Variants in CRADD observed in about 807,000 individuals in gnomAD.
CRADD encodes CARD and death domain containing adaptor protein.
A neutral mutation model predicts 15.5 loss-of-function variants in CRADD; 9 were observed. The ratio of observed to expected loss-of-function variants is 0.58; its 90% CI spans 0.35 to 1.01. The LOEUF is 1.01. Ranked by LOEUF, CRADD falls within the 50% of genes least tolerant of loss-of-function variation. The pLI, the probability that CRADD is intolerant of heterozygous loss-of-function variation, is 0.02. For missense variants in CRADD, 227 were observed against 250.3 expected (o/e 0.91, Z 0.63); for synonymous variants, 118 against 107.6 (o/e 1.10, Z -0.60).
At chr12:93,683,972 A>G (rs1955377746) in intron 2 of CRADD, among the ~76,000 whole-genome samples, 3 of 152,166 alleles carry the variant, frequency 2.0e-5, no homozygotes, top group Admixed American at 2.0e-4. Flanking sequence ...CCTGTGTGCT[A>G]GAGTGAGAAC....
At chr12:93,681,797 A>G (rs1218468019) in intron 2 of CRADD, among the ~76,000 whole-genome samples, 1 of 152,108 alleles carries the variant, frequency 6.6e-6, no homozygotes, top group Admixed American at 6.6e-5. Flanking sequence ...ATAGTTTCCT[A>G]TCTCCTAAAA....
intron 2 of CRADD, among the ~76,000 whole-genome samples, chr12:93,881,046 C>T (rs992692442): frequency 1.8e-4 from 28 of 152,318 alleles, no homozygotes; most frequent in Admixed American, 1.8e-3. Flanking sequence ...AGAAAGCCAA[C>T]TCCCAGTTCC....
intron 2 of CRADD, among the ~76,000 whole-genome samples, chr12:93,739,536 C>T (rs2136926623): frequency 1.3e-5 from 2 of 150,914 alleles, no homozygotes; most frequent in African/African-American, 4.8e-5. Context: ...AAAAATCTTT[C>T]TAGGAAAATA....
intron 2 of CRADD, among the ~76,000 whole-genome samples, chr12:93,719,839 G>A (rs967534706): frequency 2.0e-5 from 3 of 151,722 alleles, no homozygotes; most frequent in Non-Finnish European, 2.9e-5. Context: ...TTTTTTCTTA[G>A]CCTGTCTAGA....
At chr12:93,828,373 A>T (rs1258790544) in intron 2 of CRADD, among the ~76,000 whole-genome samples, 1 of 152,210 alleles carries the variant, frequency 6.6e-6, no homozygotes, top group Non-Finnish European at 1.5e-5. Context: ...TGCCATTTTA[A>T]AGAAGTCTTT....
At chr12:93,850,769 G>GT (rs796396965), downstream of CRADD, 50,409 of 756,528 alleles carry the variant, frequency 0.067, no homozygotes, top group Non-Finnish European at 0.074. The surrounding 1 kb of genome is among the most constrained non-coding windows in gnomAD (Gnocchi z 4.0). Context: ...ACCGTGTTGG[G>GT]TTTTTTTTTT....
intron 2 of CRADD, among the ~76,000 whole-genome samples, chr12:93,742,055 C>T (rs1956677447): frequency 6.6e-6 from 1 of 152,182 alleles, no homozygotes; most frequent in Non-Finnish European, 1.5e-5. Context: ...ATGTCAGCAA[C>T]CCAAAGGCGC....
intron 2 of CRADD, among the ~76,000 whole-genome samples, chr12:93,710,243 A>G (rs1386319240): frequency 6.6e-6 from 1 of 151,940 alleles, no homozygotes; most frequent in African/African-American, 2.4e-5. Context: ...GTTTTCCTCC[A>G]TAATATCTCA....
At chr12:93,831,703 A>T (rs187285109) in intron 2 of CRADD, among the ~76,000 whole-genome samples, 129 of 152,354 alleles carry the variant, frequency 8.5e-4, no homozygotes, top group African/African-American at 3.1e-3. Flanking sequence ...TTTAACTCTT[A>T]GTTCACTGCG....
At chr12:93,867,409 T>TTTTTTTTA (rs1257119686) in intron 2 of CRADD, among the ~76,000 whole-genome samples, 1 of 61,098 alleles carries the variant, frequency 1.6e-5, no homozygotes, top group African/African-American at 5.3e-5. Flanking sequence ...ATATATTTTT[T>TTTTTTTTA]AAACTTGGAA....
At chr12:93,699,878 G>GT (rs1451966381) in intron 2 of CRADD, among the ~76,000 whole-genome samples, 3 of 152,354 alleles carry the variant, frequency 2.0e-5, no homozygotes, top group African/African-American at 7.2e-5. Context: ...TTTGAAGTCT[G>GT]TATGGTAAGA....
intron 2 of CRADD, among the ~76,000 whole-genome samples, chr12:93,728,170 C>CCCTTCCTTGT (rs1956402794): frequency 6.6e-6 from 1 of 152,200 alleles, no homozygotes; most frequent in East Asian, 1.9e-4. Context: ...TTCCACAAGG[C>CCCTTCCTTGT]ATTCTACCCT....
chr12:93,825,125 C>T lies in CRADD; in HGVS notation c.299-24845C>T, dbSNP rs535909048. On this transcript the variant is annotated intron_variant, in intron 2 of 2. Transcript: ENST00000332896. Reference sequence around the variant, plus strand: ...CTTCTCTGTAGTCATTTTCTTCCCGCGTTGGTTCTAGGCTCAATCATTTAG... The same window carrying T: ...CTTCTCTGTAGTCATTTTCTTCCCGTGTTGGTTCTAGGCTCAATCATTTAG... 9.9e-5 allele frequency among the ~76,000 whole-genome samples: 15 copies of T among 152,242 alleles called. No homozygotes were observed. The East Asian group carries it at 2.7e-3, about 27-fold the overall frequency.
At chr12:93,678,726 TCAA>T (rs761006257) in intron 1 of CRADD, 40 bp from the exon 2 acceptor site, 2 of 1,580,094 alleles carry the variant, frequency 1.3e-6, no homozygotes, top group South Asian at 2.4e-5. Flanking sequence ...TAGGGCCACA[TCAA>T]CATGTCTGTA....
chr12:93,796,377 G>A (rs1052194594), intron 2 of CRADD, among the ~76,000 whole-genome samples: 1 of 152,068 alleles, frequency 6.6e-6, no homozygotes, highest in Non-Finnish European at 1.5e-5. Context: ...GGCCAAGGCA[G>A]GTGGATCACT....
At chr12:93,799,115 G>C (rs916491864) in intron 2 of CRADD, among the ~76,000 whole-genome samples, 2 of 152,148 alleles carry the variant, frequency 1.3e-5, no homozygotes, top group African/African-American at 4.8e-5. Flanking sequence ...TAAGGGACTT[G>C]AACTGTGTTA....
chr12:93,772,603 TTAA>T (rs1957096227), intron 2 of CRADD, among the ~76,000 whole-genome samples: 2 of 152,256 alleles, frequency 1.3e-5, no homozygotes. Context: ...AATATCACTC[TTAA>T]TGATGTTAGA....
chr12:93,704,788 C>A (rs1245957891), intron 2 of CRADD, among the ~76,000 whole-genome samples: 1 of 152,186 alleles, frequency 6.6e-6, no homozygotes, highest in Non-Finnish European at 1.5e-5. Context: ...CCATTCCCTG[C>A]CTTCTCCCTG....
At chr12:93,712,553 G>C (rs1002048621) in intron 2 of CRADD, among the ~76,000 whole-genome samples, 3 of 152,224 alleles carry the variant, frequency 2.0e-5, no homozygotes, top group Non-Finnish European at 4.4e-5. Flanking sequence ...GATTGTAAAA[G>C]ATTGTTTAGT....
Sources: allele counts gnomAD v4.1 joint callset (sites outside exome capture counted in the v4.1 genomes callset), GRCh38; gene constraint gnomAD v4.1.1; non-coding constraint Gnocchi (gnomAD v3.1); transcripts MANE v1.5; gene names NCBI Gene and HGNC (gene_info 2026-07-23, HGNC 2026-07-21).